NEK1: variants seen among roughly 807,000 people sequenced by gnomAD.
NEK1 encodes serine/threonine-protein kinase Nek1.
Under a neutral mutation model 182.1 loss-of-function variants are expected in NEK1, and 137 were observed. The observed-to-expected ratio is 0.75, with a 90% confidence interval of 0.65 to 0.87. The LOEUF (loss-of-function observed/expected upper bound fraction) is 0.87, where lower values mean the gene tolerates loss of function less well. NEK1 is among the 40% of genes least tolerant of loss of function. The probability of loss-of-function intolerance (pLI) is 0.00; values close to 1 mark genes in which losing one functional copy is unlikely to be tolerated. For missense variants in NEK1, 1,391 were observed against 1,494.4 expected (o/e 0.93, Z 1.14); for synonymous variants, 513 against 492.2 (o/e 1.04, Z -0.56).
Position 169,424,835 on chromosome 4 carries a change from A to C in NEK1, c.2975-35T>G, listed in dbSNP as rs947417192. 5 of 1,546,778 alleles carry C rather than the reference A, an allele frequency of 3.2e-6. No homozygotes were observed. The African/African-American group carries it at 4.1e-5, about 13-fold the overall frequency. ...AAAGGAGAGATTATGTGGTAAGTCT[A>C]TACAGTACTTAAAGTTCTAAATGAT... On this transcript the variant is annotated intron_variant, in intron 30 of 35. Coordinates refer to ENST00000507142, the MANE Select transcript of NEK1 (RefSeq NM_001199397.3).
chr4:169,418,803 TAGAG>T (rs969413793), intron 31 of NEK1, among the ~76,000 whole-genome samples: 2 of 151,938 alleles, frequency 1.3e-5, no homozygotes, highest in South Asian at 2.1e-4. Context: ...GAAAAGGTAG[TAGAG>T]AGAGAGAAAA....
chr4:169,552,553 A>G (rs997217987), intron 18 of NEK1, among the ~76,000 whole-genome samples: 1 of 152,162 alleles, frequency 6.6e-6, no homozygotes, highest in African/African-American at 2.4e-5. Flanking sequence ...TGTCCTTCTC[A>G]ACATTACTTT....
At chr4:169,437,364 A>G (rs999065534) in intron 28 of NEK1, among the ~76,000 whole-genome samples, 1 of 152,150 alleles carries the variant, frequency 6.6e-6, no homozygotes, top group Non-Finnish European at 1.5e-5. Context: ...GGCTTTCAGA[A>G]GGTGTGAGTG....
chr4:169,588,387 T>A (rs1222412518), intron 8 of NEK1, among the ~76,000 whole-genome samples: 2 of 152,142 alleles, frequency 1.3e-5, no homozygotes, highest in African/African-American at 4.8e-5. Context: ...GAAGTGACTA[T>A]CATGAAGAAA....
intron 27 of NEK1, among the ~76,000 whole-genome samples, chr4:169,452,098 C>A (rs542329061): frequency 6.6e-6 from 1 of 152,180 alleles, no homozygotes; most frequent in African/African-American, 2.4e-5. Context: ...TAACAATATA[C>A]TCTCCCAAGA....
intron 35 of NEK1, among the ~76,000 whole-genome samples, chr4:169,395,905 G>T (rs1419916538): frequency 6.6e-6 from 1 of 152,084 alleles, no homozygotes; most frequent in African/African-American, 2.4e-5. Flanking sequence ...TACATAAATG[G>T]TGTAATATTC....
At chr4:169,556,692 C>A (rs12504510) in intron 16 of NEK1, among the ~76,000 whole-genome samples, 1 of 144,248 alleles carries the variant, frequency 6.9e-6, no homozygotes, top group Admixed American at 6.9e-5. Context: ...CAAGTGACAA[C>A]AGAGAAATTC....
chr4:169,502,400 T>C (rs1160120662), intron 23 of NEK1, among the ~76,000 whole-genome samples: 2 of 152,060 alleles, frequency 1.3e-5, no homozygotes, highest in South Asian at 4.1e-4. Flanking sequence ...AGTTTCATCA[T>C]GATATCAAAA....
intron 12 of NEK1, among the ~76,000 whole-genome samples, chr4:169,575,002 A>G (rs1008173828): frequency 2.6e-5 from 4 of 152,178 alleles, no homozygotes; most frequent in Admixed American, 6.5e-5. Context: ...TTTGCTTTCA[A>G]TGACAAAAAC....
chr4:169,475,908 C>T (rs997725250), intron 26 of NEK1, among the ~76,000 whole-genome samples: 2 of 151,898 alleles, frequency 1.3e-5, no homozygotes, highest in African/African-American at 4.8e-5. Flanking sequence ...CACAATGAAA[C>T]ACAACAAGAA....
chr4:169,529,706 T>C (rs1431270244), intron 19 of NEK1, among the ~76,000 whole-genome samples: 2 of 152,126 alleles, frequency 1.3e-5, no homozygotes, highest in African/African-American at 2.4e-5. Context: ...TCAGAACATA[T>C]AATAGAACTT....
At chr4:169,545,297 T>C (rs1273831063) in intron 18 of NEK1, among the ~76,000 whole-genome samples, 4 of 150,244 alleles carry the variant, frequency 2.7e-5, no homozygotes, top group Admixed American at 6.7e-5. Flanking sequence ...AGTGAGAATA[T>C]GCAGTGTTTG....
chr4:169,564,427 C>CATTGATATAATTAT (rs1763376148), intron 12 of NEK1, among the ~76,000 whole-genome samples: 2 of 152,028 alleles, frequency 1.3e-5, no homozygotes, highest in African/African-American at 2.4e-5. Context: ...TAACATAAGT[C>CATTGATATAATTAT]ATTGATATAA....
intron 27 of NEK1, among the ~76,000 whole-genome samples, chr4:169,458,585 A>T (rs1743344227): frequency 6.6e-6 from 1 of 152,044 alleles, no homozygotes; most frequent in Non-Finnish European, 1.5e-5. Flanking sequence ...AAAATTAGCC[A>T]GGCACAATGA....
intron 18 of NEK1, among the ~76,000 whole-genome samples, chr4:169,547,120 C>T (rs1351236923): frequency 1.3e-5 from 2 of 152,136 alleles, no homozygotes; most frequent in South Asian, 2.1e-4. Flanking sequence ...ACCAGTTGTT[C>T]CTTTCCATGT....
chr4:169,536,810 A>G (rs538315856), intron 19 of NEK1, among the ~76,000 whole-genome samples: 3 of 152,338 alleles, frequency 2.0e-5, no homozygotes, highest in Non-Finnish European at 4.4e-5. Context: ...TTAACATGGG[A>G]GATATGAGCA....
chr4:169,598,750 T>G (rs1248943049), intron 5 of NEK1, among the ~76,000 whole-genome samples: 2 of 152,020 alleles, frequency 1.3e-5, no homozygotes, highest in African/African-American at 4.8e-5. Flanking sequence ...AGAGCTGGAG[T>G]TACCTGGCAA....
At chr4:169,553,142 C>T (rs1181113460) in intron 18 of NEK1, among the ~76,000 whole-genome samples, 2 of 152,130 alleles carry the variant, frequency 1.3e-5, no homozygotes, top group African/African-American at 4.8e-5. Flanking sequence ...AGCTGGATGA[C>T]TGAAAATACC....
chr4:169,431,658 C>G lies in NEK1; in HGVS notation c.2885+1887G>C, dbSNP rs191640563. Among the ~76,000 whole-genome samples the G allele has an allele frequency of 1.8e-3, 277 of 151,920 alleles. 1 individual carries two copies. The highest frequency in any genetic ancestry group is 6.8e-3 in the Middle Eastern group (2 of 294). ...AAAGTCCTAGAATGCTGGCCAGGCACAGTCTCATGTCAGTAATCCCAGCTC... is the reference window on the plus strand; with the variant it reads ...AAAGTCCTAGAATGCTGGCCAGGCAGAGTCTCATGTCAGTAATCCCAGCTC... On this transcript the variant is annotated intron_variant, in intron 29 of 35. Coordinates refer to ENST00000507142, the MANE Select transcript of NEK1 (RefSeq NM_001199397.3).
Sources: gnomAD v4.1 joint callset for allele counts (sites outside exome capture counted in the v4.1 genomes callset) on GRCh38, gnomAD v4.1.1 for gene constraint, MANE v1.5 for transcripts, NCBI Gene and HGNC (gene_info 2026-07-23, HGNC 2026-07-21) for gene names.